Variants in TSPEAR observed in about 807,000 individuals in gnomAD.
TSPEAR encodes the protein thrombospondin-type laminin G domain and EAR repeat-containing protein.
A neutral mutation model predicts 71.6 loss-of-function variants in TSPEAR; 69 were observed. The observed-to-expected ratio is 0.96, with a 90% CI of 0.79 to 1.18. The LOEUF (loss-of-function observed/expected upper bound fraction) is 1.18, where lower values mean the gene tolerates loss of function less well. Among genes scored for constraint, TSPEAR ranks in the 50% most tolerant of loss-of-function variants. The pLI is 0.00. For synonymous variants in TSPEAR, 402 were observed against 387.2 expected (o/e 1.04, Z -0.45); for missense variants, 971 against 894.9 (o/e 1.09, Z -1.09).
At chr21:44,602,259 G>A (rs977949332) in intron 1 of TSPEAR, 2 of 165,590 alleles carry the variant, frequency 1.2e-5, no homozygotes, top group Non-Finnish European at 2.7e-5. Context: ...CTGCTCCCAC[G>A]CCACGAGGTC....
chr21:44,602,005 G>T (rs587650822), intron 1 of TSPEAR: 2 of 576,732 alleles, frequency 3.5e-6, no homozygotes, highest in Admixed American at 3.1e-5. Context: ...GCCATAGCCC[G>T]GTGTGGGGAG....
chr21:44,527,506 A>G lies in TSPEAR; in HGVS notation c.935T>C (p.Leu312Pro). ...GTTCTGATGCTCCTCCACGTAGTCC[A>G]GTCTTTCTTTGGCTTGTGATAGAAA... The part of the protein sequence containing the change: ...WVSVLAAKER[L>P]DYVEEHQNLS... Residue 312 changes from leucine (L) to proline (P), a missense_variant, in exon 7 of 12, where the codon CTG becomes CCG. Coordinates refer to ENST00000323084, the MANE Select transcript of TSPEAR (RefSeq NM_144991.3). The G allele has an allele frequency of 1.2e-6, 2 of 1,614,208 alleles. No individual in the cohort carries two copies. Among genetic ancestry groups the G allele is most frequent in the Non-Finnish European group, 8.5e-7 (1 of 1,180,018 alleles).
In TSPEAR at chr21:44,639,811, C is replaced by T. The variant is rs76506250; in HGVS notation, c.82+71622G>A. On this transcript the variant is annotated intron_variant, in intron 1 of 11. Coordinates refer to ENST00000323084, the MANE Select transcript of TSPEAR (RefSeq NM_144991.3). The stretch of plus-strand genomic sequence containing the variant: ...GACCTCCTCCACATTTGCCATTGTC[C>T]CCACCTTCCCTGTCCAAGGCACCGA... Among the ~76,000 whole-genome samples the T allele has an allele frequency of 3.0e-3, 456 of 152,240 alleles. 4 individuals are homozygous for T. The highest frequency in any genetic ancestry group is 9.4e-3 in the African/African-American group (391 of 41,536).
At chr21:44,666,440 T>C in intron 1 of TSPEAR, 1 of 1,571,208 alleles carries the variant, frequency 6.4e-7, no homozygotes, top group Non-Finnish European at 8.6e-7. Context: ...GTCTGGAGAT[T>C]CATGCTCAGC....
At position 44,579,681 on chromosome 21, in the gene TSPEAR, C is replaced by T. The variant is rs1204434815; in HGVS notation, c.83-11676G>A. The T allele has an allele frequency of 1.6e-5, 24 of 1,530,212 alleles. No homozygotes were observed. The Admixed American group carries it at 4.7e-4, about 30-fold the overall frequency. 94.8% of individuals were successfully genotyped at this position (1,530,212 alleles called of 1,614,324 possible). A position where few individuals can be genotyped will look rare whatever the true frequency, so the allele number is the denominator to read the frequency against. On this transcript the variant is annotated intron_variant, in intron 1 of 11. Transcript: ENST00000323084. ...ATGGGGGCCCCGTCCCAAGCGGGGG[C>T]AACCTCCTAACCCGAGTCAGGACCA...
intron 1 of TSPEAR, among the ~76,000 whole-genome samples, chr21:44,579,094 G>C (rs1228576591): frequency 1.3e-5 from 2 of 152,200 alleles, no homozygotes; most frequent in Admixed American, 6.5e-5. Context: ...ACACAGGGAG[G>C]GTGACCAGGC....
chr21:44,523,103 CAATT>C (rs2052769569), intron 8 of TSPEAR, among the ~76,000 whole-genome samples: 3 of 139,968 alleles, frequency 2.1e-5, no homozygotes, highest in African/African-American at 9.9e-5. Context: ...GCCAGCCAGC[CAATT>C]AGTCAGTGAA....
rs1296483 is a variant in TSPEAR, at chr21:44,672,876, A to G, written c.82+38557T>C. 1.9e-4 allele frequency among the ~76,000 whole-genome samples: 29 copies of G among 152,290 alleles called. No individual in the cohort carries two copies. The East Asian group carries it at 5.4e-3, about 28-fold the overall frequency. On this transcript the variant is annotated intron_variant, in intron 1 of 11. Transcript: ENST00000323084. ...TTTCTCTCTTCCTCCTGCTCCAGCC[A>G]TGTAGGACATTCCAGCTTCCCATTT... is the stretch of plus-strand genomic sequence containing the variant.
chr21:44,569,761 T>G (rs904009215), intron 1 of TSPEAR, among the ~76,000 whole-genome samples: 2 of 151,934 alleles, frequency 1.3e-5, no homozygotes, highest in Non-Finnish European at 2.9e-5. Flanking sequence ...GGACACTGTG[T>G]GTAGAGAGGT....
At chr21:44,619,073 G>C (rs192786212) in intron 1 of TSPEAR, among the ~76,000 whole-genome samples, 196 of 151,894 alleles carry the variant, frequency 1.3e-3, no homozygotes, top group African/African-American at 4.5e-3. Flanking sequence ...GAGCAAGCAG[G>C]AAGTGAAGGT....
intron 1 of TSPEAR, chr21:44,682,285 GT>G: frequency 2.5e-6 from 2 of 798,862 alleles, no homozygotes; most frequent in Non-Finnish European, 3.9e-6. Context: ...CTGGAACTCA[GT>G]TTTCTGTCGT....
intron 2 of TSPEAR, among the ~76,000 whole-genome samples, chr21:44,556,131 G>C: frequency 6.6e-6 from 1 of 152,166 alleles, no homozygotes; most frequent in East Asian, 1.9e-4. Context: ...TAATCCCAGC[G>C]CTTTGGGAGG....
chr21:44,506,296 G>A lies in TSPEAR; in HGVS notation c.1755-1415C>T, dbSNP rs945838552. Reference sequence around the variant, plus strand: ...GGAGCCCACCTGCCGAGCTGTCAGCGTCAGCCCCACATCTCAAGATGAGGA... The same window carrying A: ...GGAGCCCACCTGCCGAGCTGTCAGCATCAGCCCCACATCTCAAGATGAGGA... On this transcript the variant is annotated intron_variant, in intron 10 of 11. Coordinates refer to ENST00000323084, the MANE Select transcript of TSPEAR (RefSeq NM_144991.3). The surrounding 1 kb of genome is among the most constrained non-coding windows in gnomAD (Gnocchi z 4.2). Among the ~76,000 whole-genome samples, 13 of 152,236 alleles carry A rather than the reference G, an allele frequency of 8.5e-5. No individual in the cohort carries two copies. Among genetic ancestry groups the A allele is most frequent in the South Asian group, 2.1e-4 (1 of 4,832 alleles).
intron 1 of TSPEAR, among the ~76,000 whole-genome samples, chr21:44,620,128 G>C (rs1982349647): frequency 6.6e-6 from 1 of 152,198 alleles, no homozygotes; most frequent in African/African-American, 2.4e-5. Context: ...AGAAACCATG[G>C]AGGCCAGAAC....
intron 1 of TSPEAR, among the ~76,000 whole-genome samples, chr21:44,581,667 G>GT: frequency 9.8e-6 from 1 of 101,856 alleles, no homozygotes; most frequent in Non-Finnish European, 1.9e-5. Flanking sequence ...CTCAGGAAGT[G>GT]TTTTGCGCTC....
intron 2 of TSPEAR, chr21:44,551,045 C>T (rs1555918682): frequency 1.1e-5 from 18 of 1,610,718 alleles, no homozygotes; most frequent in Non-Finnish European, 1.5e-5. Flanking sequence ...CACGGCAGGA[C>T]TGCTGGCAGG....
At chr21:44,597,068 T>G (rs781927638) in intron 1 of TSPEAR, among the ~76,000 whole-genome samples, 1 of 152,204 alleles carries the variant, frequency 6.6e-6, no homozygotes, top group African/African-American at 2.4e-5. Flanking sequence ...GAGATGATTT[T>G]TCTTTCCCTT....
intron 1 of TSPEAR, among the ~76,000 whole-genome samples, chr21:44,685,803 C>T (rs1157781184): frequency 6.6e-6 from 1 of 152,206 alleles, no homozygotes; most frequent in African/African-American, 2.4e-5. Context: ...CAGATCCCTG[C>T]ACCTCTGCAG....
intron 1 of TSPEAR, chr21:44,675,864 G>T: frequency 1.5e-6 from 1 of 679,984 alleles, no homozygotes; most frequent in South Asian, 1.7e-5. Context: ...AATCTTCCTA[G>T]ACCTTACTCT....
Sources: allele counts gnomAD v4.1 joint callset (sites outside exome capture counted in the v4.1 genomes callset), GRCh38; gene constraint gnomAD v4.1.1; non-coding constraint Gnocchi (gnomAD v3.1); transcripts MANE v1.5; gene names NCBI Gene and HGNC (gene_info 2026-07-23, HGNC 2026-07-21).